The following GLRX3 variants were observed in gnomAD, a reference collection of about 807,000 sequenced individuals.
GLRX3 encodes glutaredoxin 3.
A neutral mutation model predicts 49.5 loss-of-function variants in GLRX3; 22 were observed. That is an observed-to-expected ratio of 0.44 (90% confidence interval 0.32 to 0.63). The LOEUF is 0.63. Among genes scored for constraint, GLRX3 ranks in the 30% least tolerant of loss-of-function variants. The pLI is 0.05. For synonymous variants in GLRX3, 133 were observed against 140.0 expected (o/e 0.95, Z 0.35); for missense variants, 385 against 396.3 (o/e 0.97, Z 0.24).
In GLRX3 at chr10:130,175,960, A is replaced by T. The variant is rs555352445; in HGVS notation, c.957+871A>T. Among the ~76,000 whole-genome samples the T allele has an allele frequency of 4.6e-5, 7 of 152,238 alleles. No individual in the cohort carries two copies. The South Asian group carries it at 1.4e-3, about 31-fold the overall frequency. ...TGCCAGGGTCTGCTCAGGGGCATGA[A>T]CAAAACTGCCCCGAAAAGTGGGTTG... On this transcript the variant is annotated intron_variant, in intron 10 of 10. Coordinates refer to ENST00000331244, the MANE Select transcript of GLRX3 (RefSeq NM_006541.5).
intron 2 of GLRX3, among the ~76,000 whole-genome samples, chr10:130,145,531 G>A (rs941615089): frequency 3.9e-5 from 6 of 151,996 alleles, no homozygotes; most frequent in South Asian, 2.1e-4. Context: ...GCGTGGTGGC[G>A]GGTGCCTATA....
At chr10:130,147,734 T>G (rs1862295378) in intron 2 of GLRX3, among the ~76,000 whole-genome samples, 1 of 152,244 alleles carries the variant, frequency 6.6e-6, no homozygotes, top group Non-Finnish European at 1.5e-5. Context: ...GAGATCATCG[T>G]TCTTTCCCAG....
At chr10:130,173,427 C>T (rs571875710) in intron 8 of GLRX3, among the ~76,000 whole-genome samples, 1 of 152,278 alleles carries the variant, frequency 6.6e-6, no homozygotes, top group East Asian at 1.9e-4. Flanking sequence ...ACGAGCAGAC[C>T]ATGCTCTTGC....
At chr10:130,167,820 C>T (rs1862722757) in intron 6 of GLRX3, among the ~76,000 whole-genome samples, 1 of 152,170 alleles carries the variant, frequency 6.6e-6, no homozygotes, top group Admixed American at 6.5e-5. Context: ...TCAGGCTGAT[C>T]TTTGAGTGCC....
chr10:130,174,961 G>A, intron 9 of GLRX3, 36 bp from the exon 10 acceptor site: 2 of 1,569,700 alleles, frequency 1.3e-6, no homozygotes, highest in South Asian at 2.2e-5. Flanking sequence ...TTAAGGGCCT[G>A]ATAGGATGGT....
At chr10:130,174,330 G>A (rs1862873104) in intron 8 of GLRX3, among the ~76,000 whole-genome samples, 1 of 152,260 alleles carries the variant, frequency 6.6e-6, no homozygotes. Flanking sequence ...AGGAGGTTAA[G>A]AAGCAGCAGC....
At chr10:130,150,534 A>G (rs760895562) in intron 2 of GLRX3, among the ~76,000 whole-genome samples, 4 of 152,214 alleles carry the variant, frequency 2.6e-5, no homozygotes, top group Non-Finnish European at 5.9e-5. Context: ...AATTTAAAAT[A>G]TACGATCAAG....
chr10:130,174,092 A>AT (rs1862867635), intron 8 of GLRX3, among the ~76,000 whole-genome samples: 1 of 152,196 alleles, frequency 6.6e-6, no homozygotes, highest in African/African-American at 2.4e-5. Context: ...TCATGCAGTG[A>AT]TTTTTCATTT....
chr10:130,146,548 C>T (rs1419722197), intron 2 of GLRX3, among the ~76,000 whole-genome samples: 1 of 152,128 alleles, frequency 6.6e-6, no homozygotes, highest in Admixed American at 6.5e-5. Flanking sequence ...ATTGGTTTAG[C>T]ACGTTAAAGA....
intron 8 of GLRX3, among the ~76,000 whole-genome samples, chr10:130,172,091 C>T (rs1239714823): frequency 6.6e-6 from 1 of 152,150 alleles, no homozygotes; most frequent in Non-Finnish European, 1.5e-5. Flanking sequence ...AATGCCTTAA[C>T]TTAGATCAAA....
At chr10:130,162,408 T>TA (rs1163819636) in intron 4 of GLRX3, among the ~76,000 whole-genome samples, 4 of 152,228 alleles carry the variant, frequency 2.6e-5, no homozygotes, top group Admixed American at 6.5e-5. Flanking sequence ...TAGCAACAGA[T>TA]AGTCTCTGTT....
At position 130,136,441 on chromosome 10, in the gene GLRX3, G is replaced by A. The variant is rs767712094; in HGVS notation, c.21G>A (p.Glu7=). MAAGAA[E]AAVAAVEEVG... is the part of the protein sequence containing the mutation. ...GCAGCATGGCGGCGGGGGCGGCTGA[G>A]GCAGCTGTAGCGGCCGTGGAGGAGG... The change falls in exon 1 of 11, where the codon GAG becomes GAA. Residue 7 remains glutamate, a synonymous_variant. Transcript: ENST00000331244. The A allele has an allele frequency of 1.6e-6, 2 of 1,258,870 alleles. No individual in the cohort carries two copies. The highest frequency in any genetic ancestry group is 2.0e-6 in the Non-Finnish European group (2 of 995,834). 78.0% of individuals were successfully genotyped at this position (1,258,870 alleles called of 1,614,324 possible). A position where few individuals can be genotyped will look rare whatever the true frequency, so the allele number is the denominator to read the frequency against.
At chr10:130,166,815 A>G (rs1417423150) in intron 5 of GLRX3, 104 bp from the exon 6 acceptor site, 12 of 917,316 alleles carry the variant, frequency 1.3e-5, no homozygotes, top group Non-Finnish European at 2.1e-5. Context: ...AATACACAGT[A>G]TTTCTGATTA....
intron 2 of GLRX3, among the ~76,000 whole-genome samples, chr10:130,146,141 A>G (rs568470928): frequency 2.0e-5 from 3 of 152,272 alleles, no homozygotes; most frequent in South Asian, 2.1e-4. Flanking sequence ...TGACTACCAA[A>G]TGTCAAGGTG....
At chr10:130,149,955 A>AG (rs1862341205) in intron 2 of GLRX3, among the ~76,000 whole-genome samples, 3 of 137,588 alleles carry the variant, frequency 2.2e-5, no homozygotes, top group Non-Finnish European at 4.7e-5. Context: ...AAAAAAAAAT[A>AG]GGGCCGGGCA....
intron 7 of GLRX3, 143 bp downstream of exon 7, chr10:130,169,633 A>G (rs1336292714): frequency 6.4e-6 from 4 of 624,300 alleles, no homozygotes; most frequent in Non-Finnish European, 1.2e-5. Flanking sequence ...ATTGGTGCTT[A>G]CGGAGATCAA....
At chr10:130,150,549 TGGA>T (rs1259800225) in intron 2 of GLRX3, among the ~76,000 whole-genome samples, 1 of 152,218 alleles carries the variant, frequency 6.6e-6, no homozygotes, top group Non-Finnish European at 1.5e-5. Context: ...ATCAAGGGTA[TGGA>T]GGAGTTACGT....
intron 1 of GLRX3, among the ~76,000 whole-genome samples, chr10:130,144,166 G>A (rs1862226123): frequency 6.6e-6 from 1 of 151,772 alleles, no homozygotes; most frequent in African/African-American, 2.4e-5. Flanking sequence ...CATTTAAAAA[G>A]TAAATAATGA....
At chr10:130,136,634 G>C (rs1339148230) in intron 1 of GLRX3, 122 bp downstream of exon 1, 18 of 1,158,378 alleles carry the variant, frequency 1.6e-5, no homozygotes, top group Non-Finnish European at 1.8e-5. Context: ...CTTCGGCCTC[G>C]GGGGACCGGG....
Sources: gnomAD v4.1 joint callset for allele counts (sites outside exome capture counted in the v4.1 genomes callset) on GRCh38, gnomAD v4.1.1 for gene constraint, MANE v1.5 for transcripts, NCBI Gene and HGNC (gene_info 2026-07-23, HGNC 2026-07-21) for gene names.